Variants in AGAP3 observed in about 807,000 individuals in gnomAD.
AGAP3 encodes ArfGAP with GTPase domain, ankyrin repeat and PH domain 3.
A neutral mutation model predicts 96.9 loss-of-function variants in AGAP3; 24 were observed. The ratio of observed to expected loss-of-function variants is 0.25; its 90% CI spans 0.18 to 0.35. AGAP3 has a LOEUF of 0.35. Ranked by LOEUF, AGAP3 falls within the 10% of genes least tolerant of loss-of-function variation. AGAP3 has a pLI of 1.00. For synonymous variants in AGAP3, 563 were observed against 536.1 expected (o/e 1.05, Z -0.69); for missense variants, 876 against 1,254.2 (o/e 0.70, Z 4.55).
At chr7:151,132,724 G>A (rs1308262653) in intron 10 of AGAP3, among the ~76,000 whole-genome samples, 5 of 152,242 alleles carry the variant, frequency 3.3e-5, no homozygotes, top group African/African-American at 7.2e-5. Flanking sequence ...AAGTGCAGGC[G>A]GAGGCTGGTG....
intron 5 of AGAP3, 104 bp downstream of exon 5, chr7:151,117,881 C>CT (rs1411118205): frequency 7.0e-7 from 1 of 1,430,966 alleles, no homozygotes; most frequent in African/African-American, 1.4e-5. Flanking sequence ...AGCCCCTACT[C>CT]TTTTCCCAGT....
At chr7:151,122,590 C>T in intron 8 of AGAP3, 3 of 962,864 alleles carry the variant, frequency 3.1e-6, no homozygotes, top group Non-Finnish European at 4.6e-6. Flanking sequence ...CGTCCTTCTC[C>T]TCCTCCTCCT....
chr7:151,120,064 G>A lies in AGAP3; in HGVS notation c.1047G>A (p.Glu349=), dbSNP rs1450618273. The change falls in exon 8 of 18, where the codon GAG becomes GAA. Residue 349 remains glutamate (E), a synonymous_variant. Coordinates refer to ENST00000397238, the MANE Select transcript of AGAP3 (RefSeq NM_031946.7). The stretch of plus-strand genomic sequence containing the variant: ...CCACCCCCAGCATCAGCCAGCGGGA[G>A]CTGCGCATCGAGACCATCGCTGCCT... ...VPSTPSISQR[E]LRIETIAASS... 1 of 1,613,958 alleles carries A rather than the reference G, an allele frequency of 6.2e-7. No individual in the cohort carries two copies. Among genetic ancestry groups the A allele is most frequent in the Non-Finnish European group, 8.5e-7 (1 of 1,179,912 alleles).
At chr7:151,097,081 G>T (rs541634997) in intron 1 of AGAP3, among the ~76,000 whole-genome samples, 8 of 152,084 alleles carry the variant, frequency 5.3e-5, no homozygotes, top group African/African-American at 1.9e-4. Flanking sequence ...GAGCCACCGC[G>T]CCCGGCCTGA....
chr7:151,142,158 G>T lies in AGAP3; in HGVS notation c.1960-5G>T. On this transcript the variant is annotated splice_region_variant and splice_polypyrimidine_tract_variant and intron_variant, in intron 14 of 17. Coordinates refer to ENST00000397238, the MANE Select transcript of AGAP3 (RefSeq NM_031946.7). The surrounding 1 kb of genome is among the most constrained non-coding windows in gnomAD (Gnocchi z 7.5). ...CCTTGTCTTGTCTCTCCTGCTGTGC[G>T]ACAGACTCGACTGGGGAACCAGAAC... 2.5e-6 allele frequency: 4 copies of T among 1,613,688 alleles called. No homozygotes were observed. Among genetic ancestry groups the T allele is most frequent in the Non-Finnish European group, 3.4e-6 (4 of 1,179,870 alleles).
chr7:151,091,077 T>C (rs1372491814), intron 1 of AGAP3, among the ~76,000 whole-genome samples: 2 of 152,260 alleles, frequency 1.3e-5, no homozygotes, highest in Non-Finnish European at 2.9e-5. Context: ...CCTGGAGGAC[T>C]GGCATGATGG....
chr7:151,093,325 G>A (rs1041987979), intron 1 of AGAP3, among the ~76,000 whole-genome samples: 3 of 152,140 alleles, frequency 2.0e-5, no homozygotes, highest in Admixed American at 2.0e-4. Flanking sequence ...ATTCTTTGTA[G>A]AGATGGGGTC....
At chr7:151,111,140 C>T (rs573435233) in intron 1 of AGAP3, among the ~76,000 whole-genome samples, 9 of 152,210 alleles carry the variant, frequency 5.9e-5, no homozygotes, top group Admixed American at 4.6e-4. Flanking sequence ...CACTGCCTCC[C>T]GGGCTCAGTG....
At chr7:151,094,646 C>T (rs942014059) in intron 1 of AGAP3, among the ~76,000 whole-genome samples, 1 of 152,104 alleles carries the variant, frequency 6.6e-6, no homozygotes, top group Non-Finnish European at 1.5e-5. Context: ...CTGTACATAT[C>T]CTTTATTCAT....
rs762551408 is a variant in AGAP3, at chr7:151,117,741, G to A, written c.670G>A (p.Ala224Thr). The change falls in exon 5 of 18, where the codon GCC (alanine) becomes ACC (threonine). Residue 224 changes from alanine (A) to threonine (T), a missense_variant. Coordinates refer to ENST00000397238, the MANE Select transcript of AGAP3 (RefSeq NM_031946.7). ...YFLRLCSFRN[A>T]SEVPMVLVGT... The stretch of plus-strand genomic sequence containing the variant: ...CCTGCGTCTCTGCAGCTTCCGCAAC[G>A]CCAGCGAGGTGCCCATGGTGCTTGT... The A allele has an allele frequency of 9.5e-5, 153 of 1,614,170 alleles. 4 individuals are homozygous for A. The South Asian group carries it at 1.4e-3, about 15-fold the overall frequency.
rs150974291 is a variant in AGAP3 at position 151,117,999 on chromosome 7, A to G, written c.707-211A>G. On this transcript the variant is annotated intron_variant, in intron 5 of 17. Transcript: ENST00000397238. ...AGCAGGTCTGTGTTTTTTTAGATGA[A>G]TAAACGTGCTCAGAGCTTAAGTGCT... The G allele has an allele frequency of 6.8e-6, 6 of 879,048 alleles. No homozygotes were observed. The East Asian group carries it at 1.6e-4, about 24-fold the overall frequency. 54.5% of individuals were successfully genotyped at this position (879,048 alleles called of 1,614,324 possible).
chr7:151,098,479 GTC>G (rs1798698294), intron 1 of AGAP3, among the ~76,000 whole-genome samples: 1 of 151,910 alleles, frequency 6.6e-6, no homozygotes, highest in Non-Finnish European at 1.5e-5. Flanking sequence ...GTGAGACGCT[GTC>G]TCTACAAAAA....
chr7:151,137,993 G>C, intron 11 of AGAP3, 150 bp from the exon 12 acceptor site: 1 of 646,124 alleles, frequency 1.5e-6, no homozygotes, highest in Admixed American at 2.8e-5. Context: ...GCAGCCTCTG[G>C]CTCTCCCAGA....
At chr7:151,090,232 C>T (rs1798332582) in intron 1 of AGAP3, 1 of 115,654 alleles carries the variant, frequency 8.6e-6, no homozygotes, top group African/African-American at 4.1e-5. Flanking sequence ...TGGCAGTTCC[C>T]AGATGGGGGG....
intron 12 of AGAP3, among the ~76,000 whole-genome samples, chr7:151,138,994 T>C (rs1208685488): frequency 3.3e-5 from 5 of 152,246 alleles, no homozygotes; most frequent in South Asian, 2.1e-4. Flanking sequence ...TCTCTGCTTT[T>C]CTTCTTTTGA....
In AGAP3 at chr7:151,086,780, G is replaced by T; in HGVS notation, c.39G>T (p.Gln13His). 1 of 972,918 alleles carries T rather than the reference G, an allele frequency of 1.0e-6. No individual in the cohort carries two copies. The highest frequency in any genetic ancestry group is 1.2e-6 in the Non-Finnish European group (1 of 821,890). 60.3% of individuals were successfully genotyped at this position (972,918 alleles called of 1,614,324 possible). A position where few individuals can be genotyped will look rare whatever the true frequency, so the allele number is the denominator to read the frequency against. Residue 13 changes from glutamine (Q) to histidine (H), a missense_variant, in exon 1 of 18, where the codon CAG becomes CAT. Around this residue, in one of 8 missense-constraint regions of AGAP3, gnomAD observed 62 missense variants for 82.8 expected, o/e 0.75. Coordinates refer to ENST00000397238, the MANE Select transcript of AGAP3 (RefSeq NM_031946.7). Reference sequence around the variant, plus strand: ...CGGGCGGGGGGCAGAGCCCGCAGCAGCAGCAGAGCCTGGCGGCTCCGGGGG... The same window carrying T: ...CGGGCGGGGGGCAGAGCCCGCAGCATCAGCAGAGCCTGGCGGCTCCGGGGG... ...FQAGGGQSPQ[Q>H]QQSLAAPGGG...
At position 151,114,832 on chromosome 7, in the gene AGAP3, G is replaced by C; in HGVS notation, c.332-1961G>C. The C allele has an allele frequency of 9.5e-7, 1 of 1,054,260 alleles. No homozygotes were observed. The allele number at this position is 1,054,260 out of a possible 1,614,324, so 65.3% of individuals were successfully genotyped here. On this transcript the variant is annotated intron_variant, in intron 1 of 17. Coordinates refer to ENST00000397238, the MANE Select transcript of AGAP3 (RefSeq NM_031946.7). The surrounding 1 kb of genome is among the most constrained non-coding windows in gnomAD (Gnocchi z 4.4). ...GGGGAGCGGCCCGCCGCTTGCCGCC[G>C]CGCCCACAGCGTCTGCGACTCGCTG...
At chr7:151,138,781 C>G (rs1032938427) in intron 12 of AGAP3, among the ~76,000 whole-genome samples, 1 of 152,172 alleles carries the variant, frequency 6.6e-6, no homozygotes, top group African/African-American at 2.4e-5. Context: ...GAGCCACGTT[C>G]CGAAGGCAGC....
rs1049263109 is a variant in AGAP3, at chr7:151,114,421, C to A, written c.332-2372C>A. ...AGGACTGTTATTTAGTTGGCCTGCT[C>A]GTAATGACAGCTCCTCACCTACCTG... On this transcript the variant is annotated intron_variant, in intron 1 of 17. Transcript: ENST00000397238. This position sits in a 1 kb window ranked among gnomAD's most constrained non-coding sequence, Gnocchi z 4.4. 5.9e-5 allele frequency among the ~76,000 whole-genome samples: 9 copies of A among 152,222 alleles called. No individual in the cohort carries two copies. Among genetic ancestry groups the A allele is most frequent in the African/African-American group, 1.9e-4 (8 of 41,462 alleles).
Sources: allele counts gnomAD v4.1 joint callset (sites outside exome capture counted in the v4.1 genomes callset), GRCh38; gene constraint gnomAD v4.1.1; regional missense constraint gnomAD v4.1.1; non-coding constraint Gnocchi (gnomAD v3.1); transcripts MANE v1.5; gene names NCBI Gene and HGNC (gene_info 2026-07-23, HGNC 2026-07-21).